Variants in VWC2L observed in about 807,000 individuals in gnomAD.
VWC2L encodes the protein von Willebrand factor C domain-containing protein 2-like.
In VWC2L, 10 loss-of-function variants were observed where a neutral mutation model predicts 21.6. The ratio of observed to expected loss-of-function variants is 0.46; its 90% CI spans 0.29 to 0.78. The LOEUF (loss-of-function observed/expected upper bound fraction) is 0.78. Ranked by LOEUF, VWC2L falls within the 30% of genes least tolerant of loss-of-function variation. The pLI is 0.10. For missense variants in VWC2L, 209 were observed against 277.1 expected, an observed-to-expected ratio of 0.75 and a Z score of 1.74; for synonymous variants, 96 against 94.3, an observed-to-expected ratio of 1.02 and a Z score of -0.10.
At chr2:214,428,576 T>C (rs1702557803) in intron 2 of VWC2L, among the ~76,000 whole-genome samples, 1 of 152,172 alleles carries the variant, frequency 6.6e-6, no homozygotes, top group Non-Finnish European at 1.5e-5. Flanking sequence ...GCCATCTCAA[T>C]ATATTTTTGT....
At chr2:214,416,172 A>C (rs555895272) in intron 2 of VWC2L, among the ~76,000 whole-genome samples, 2 of 152,200 alleles carry the variant, frequency 1.3e-5, no homozygotes, top group East Asian at 3.9e-4. Flanking sequence ...GATTTATATA[A>C]TTTGGTAATC....
At chr2:214,486,595 C>T (rs941240764) in intron 3 of VWC2L, among the ~76,000 whole-genome samples, 4 of 152,128 alleles carry the variant, frequency 2.6e-5, no homozygotes, top group Non-Finnish European at 4.4e-5. Flanking sequence ...GGGCTAGGAA[C>T]CCTACTGACC....
In VWC2L at chr2:214,411,727, C is replaced by T. The variant is rs1702273231; in HGVS notation, c.-140C>T. The T allele has an allele frequency of 6.6e-6, 1 of 152,110 alleles. No homozygotes were observed. The highest frequency in any genetic ancestry group is 1.5e-5 in the Non-Finnish European group (1 of 68,010). 9.4% of individuals were successfully genotyped at this position (152,110 alleles called of 1,614,324 possible). A position where few individuals can be genotyped will look rare whatever the true frequency, so the allele number is the denominator to read the frequency against. On this transcript the variant is annotated 5_prime_UTR_variant, in exon 1 of 4. Transcript: ENST00000312504. ...AACTGCTTTCTTAAAACATACCTGA[C>T]CTTTTAGTTCATTTTGGGCTGTGAC... is the stretch of plus-strand genomic sequence containing the variant.
intron 3 of VWC2L, among the ~76,000 whole-genome samples, chr2:214,470,458 C>T (rs1263921650): frequency 6.6e-6 from 1 of 152,062 alleles, no homozygotes; most frequent in Non-Finnish European, 1.5e-5. Context: ...TTTGTTTTTA[C>T]ATGCTGCTGG....
intron 3 of VWC2L, among the ~76,000 whole-genome samples, chr2:214,502,175 G>A (rs1011356605): frequency 3.9e-5 from 6 of 152,042 alleles, no homozygotes; most frequent in Admixed American, 6.5e-5. Flanking sequence ...GCTTCAATGA[G>A]TATTACCATT....
chr2:214,508,638 T>C (rs1478217045), intron 3 of VWC2L, among the ~76,000 whole-genome samples: 1 of 152,188 alleles, frequency 6.6e-6, no homozygotes, highest in East Asian at 1.9e-4. Flanking sequence ...CATATTTTCC[T>C]TTTTTTCATA....
chr2:214,440,668 G>A (rs1168472560), intron 3 of VWC2L, among the ~76,000 whole-genome samples: 1 of 151,906 alleles, frequency 6.6e-6, no homozygotes, highest in Non-Finnish European at 1.5e-5. Context: ...GTTTATTTTT[G>A]TATGTGAATT....
At chr2:214,528,881 A>G (rs530002377) in intron 3 of VWC2L, among the ~76,000 whole-genome samples, 1 of 152,324 alleles carries the variant, frequency 6.6e-6, no homozygotes, top group African/African-American at 2.4e-5. Context: ...TAAGTTCATG[A>G]TAGAGTCTCT....
At chr2:214,497,212 G>A (rs77219133) in intron 3 of VWC2L, among the ~76,000 whole-genome samples, 2 of 151,820 alleles carry the variant, frequency 1.3e-5, no homozygotes, top group African/African-American at 2.4e-5. Context: ...TATTGGAAAG[G>A]AAAAAAAACC....
At chr2:214,450,975 G>A (rs1482259754) in intron 3 of VWC2L, among the ~76,000 whole-genome samples, 1 of 152,076 alleles carries the variant, frequency 6.6e-6, no homozygotes, top group Admixed American at 6.5e-5. Flanking sequence ...CTGAAGCTGA[G>A]CTAAAATAAG....
Position 214,457,149 on chromosome 2 carries a change from C to G in VWC2L, c.520+20391C>G, listed in dbSNP as rs538482881. On this transcript the variant is annotated intron_variant, in intron 3 of 3. Coordinates refer to ENST00000312504, the MANE Select transcript of VWC2L (RefSeq NM_001080500.4). Reference sequence around the variant, plus strand: ...GAAATTGCGTTGAGTCTCTAGAATGCTTTGGGTAGAAGCATCCTTTTAGCA... The same window carrying G: ...GAAATTGCGTTGAGTCTCTAGAATGGTTTGGGTAGAAGCATCCTTTTAGCA... 1.7e-4 allele frequency among the ~76,000 whole-genome samples: 26 copies of G among 152,054 alleles called. No individual in the cohort carries two copies. In the South Asian group the frequency reaches 5.4e-3, roughly 32 times the overall value.
intron 3 of VWC2L, among the ~76,000 whole-genome samples, chr2:214,531,266 C>T (rs538318166): frequency 1.3e-5 from 2 of 152,252 alleles, no homozygotes; most frequent in Non-Finnish European, 2.9e-5. Flanking sequence ...CGAGTAAACG[C>T]ATTCTGATCG....
At chr2:214,476,941 A>T (rs1268704793) in intron 3 of VWC2L, among the ~76,000 whole-genome samples, 1 of 152,184 alleles carries the variant, frequency 6.6e-6, no homozygotes, top group Admixed American at 6.5e-5. Flanking sequence ...AAGAGCATTG[A>T]TTAACTTCTC....
chr2:214,458,236 A>T (rs1176203659), intron 3 of VWC2L, among the ~76,000 whole-genome samples: 1 of 152,024 alleles, frequency 6.6e-6, no homozygotes, highest in Non-Finnish European at 1.5e-5. Context: ...TTTTTCATAC[A>T]AGTCTTTGGT....
intron 3 of VWC2L, among the ~76,000 whole-genome samples, chr2:214,443,466 A>C (rs1170473006): frequency 6.6e-6 from 1 of 152,204 alleles, no homozygotes; most frequent in East Asian, 1.9e-4. Context: ...AGCTAGCAGC[A>C]GATCAAAATA....
intron 3 of VWC2L, among the ~76,000 whole-genome samples, chr2:214,467,477 G>C (rs1033638035): frequency 4.6e-5 from 7 of 152,196 alleles, no homozygotes; most frequent in Admixed American, 2.6e-4. Context: ...GCAGAAACAA[G>C]GGGCAATCAT....
At position 214,414,565 on chromosome 2, in the gene VWC2L, A is replaced by G. The variant is rs1702326849; in HGVS notation, c.372A>G (p.Lys124=). The stretch of plus-strand genomic sequence containing the variant: ...GTGAATATCACGGGAAAAATTACAA[A>G]ATCTTGGAGGAATTTAAGGTATGCG... ...NFCEYHGKNY[K]ILEEFKPSPC... Residue 124 remains lysine, a synonymous_variant, in exon 2 of 4, where the codon AAA becomes AAG. Coordinates refer to ENST00000312504, the MANE Select transcript of VWC2L (RefSeq NM_001080500.4). 5 of 1,612,892 alleles carry G rather than the reference A, an allele frequency of 3.1e-6. No individual in the cohort carries two copies. The highest frequency in any genetic ancestry group is 4.2e-6 in the Non-Finnish European group (5 of 1,179,528).
At chr2:214,451,314 G>A (rs58674657) in intron 3 of VWC2L, among the ~76,000 whole-genome samples, 7 of 140,400 alleles carry the variant, frequency 5.0e-5, no homozygotes, top group East Asian at 2.1e-4. Context: ...GGTGTGGGGG[G>A]GGGGGGCAGT....
At chr2:214,501,012 A>C (rs551941784) in intron 3 of VWC2L, among the ~76,000 whole-genome samples, 20 of 152,334 alleles carry the variant, frequency 1.3e-4, no homozygotes, top group Middle Eastern at 6.8e-3. Flanking sequence ...TGAATTGAGA[A>C]ATAAAATAAC....
Sources: allele counts gnomAD v4.1 joint callset (sites outside exome capture counted in the v4.1 genomes callset), GRCh38; gene constraint gnomAD v4.1.1; transcripts MANE v1.5; gene names NCBI Gene and HGNC (gene_info 2026-07-23, HGNC 2026-07-21).